CSMD1: variants seen among roughly 807,000 people sequenced by gnomAD.
CSMD1 encodes the protein CUB and Sushi multiple domains 1, also known as CUB and sushi domain-containing protein 1.
Under a neutral mutation model 417.5 loss-of-function variants are expected in CSMD1, and 213 were observed. The observed-to-expected ratio is 0.51, with a 90% confidence interval of 0.46 to 0.57. The LOEUF is 0.57. Ranked by LOEUF, CSMD1 falls within the 20% of genes least tolerant of loss-of-function variation. The pLI is 0.00. For missense variants in CSMD1, 6,923 were observed against 4,529.7 expected (o/e 1.53, Z -15.17); for synonymous variants, 2,862 against 1,736.8 (o/e 1.65, Z -16.11).
intron 6 of CSMD1, among the ~76,000 whole-genome samples, chr8:3,718,994 A>G (rs951340388): frequency 1.2e-4 from 18 of 152,154 alleles, no homozygotes; most frequent in African/African-American, 4.3e-4. Context: ...GAGGCAGAAC[A>G]AGGGGTGAGA....
chr8:4,052,650 G>A (rs181969620), intron 3 of CSMD1, among the ~76,000 whole-genome samples: 10 of 152,002 alleles, frequency 6.6e-5, no homozygotes, highest in Non-Finnish European at 1.5e-4. Flanking sequence ...CTTTGGAAAA[G>A]AATTCTGATA....
Position 3,847,875 on chromosome 8 carries a change from G to C in CSMD1, c.819-93833C>G, listed in dbSNP as rs546120660. Among the ~76,000 whole-genome samples, 5 of 152,274 alleles carry C rather than the reference G, an allele frequency of 3.3e-5. No individual in the cohort carries two copies. The East Asian group carries it at 5.8e-4, about 18-fold the overall frequency. Reference sequence around the variant, plus strand: ...TCCCATTATGCGCTCCCTATAGCTAGTCTGACTTTTCAACTCTATCCGTTT... The same window carrying C: ...TCCCATTATGCGCTCCCTATAGCTACTCTGACTTTTCAACTCTATCCGTTT... On this transcript the variant is annotated intron_variant, in intron 5 of 69. Transcript: ENST00000635120.
chr8:4,413,924 T>C (rs569912672), intron 3 of CSMD1, among the ~76,000 whole-genome samples: 3 of 152,194 alleles, frequency 2.0e-5, no homozygotes, highest in African/African-American at 7.2e-5. Context: ...AGGAAAGTAA[T>C]TATTGAAATT....
intron 7 of CSMD1, among the ~76,000 whole-genome samples, chr8:3,675,912 C>G (rs1585057790): frequency 6.6e-6 from 1 of 152,194 alleles, no homozygotes; most frequent in South Asian, 2.1e-4. Context: ...TCTCTCAGCA[C>G]TGTCCCATCA....
At position 3,317,254 on chromosome 8, in the gene CSMD1, TG is replaced by T. The variant is rs532774742; in HGVS notation, c.3632-8752del. 3.7e-4 allele frequency among the ~76,000 whole-genome samples: 56 copies of T among 152,328 alleles called. No individual in the cohort carries two copies. The East Asian group carries it at 0.01, about 28-fold the overall frequency. On this transcript the variant is annotated intron_variant, in intron 23 of 69. Coordinates refer to ENST00000635120, the MANE Select transcript of CSMD1 (RefSeq NM_033225.6). ...CATCTTTCATTGATAACACCTGTTA[TG>T]AAATAATTAAAAATAAACATGCTTT...
chr8:4,446,743 GTGTGTGTGTGTC>G (rs1366317697), intron 2 of CSMD1, among the ~76,000 whole-genome samples: 296 of 117,228 alleles, frequency 2.5e-3, no homozygotes, highest in Middle Eastern at 0.012. Context: ...CTGTGTGTGT[GTGTGTGTGTGTC>G]TGTGTGTGTG....
chr8:3,784,865 G>A (rs1055345436), intron 5 of CSMD1, among the ~76,000 whole-genome samples: 9 of 152,122 alleles, frequency 5.9e-5, no homozygotes, highest in Non-Finnish European at 1.0e-4. Flanking sequence ...TCACAATACT[G>A]ATGTTAACAT....
intron 38 of CSMD1, among the ~76,000 whole-genome samples, chr8:3,159,655 A>T (rs941946702): frequency 2.6e-5 from 4 of 152,228 alleles, no homozygotes; most frequent in African/African-American, 9.6e-5. Flanking sequence ...CATGTGAATG[A>T]CAAACAGCAG....
chr8:4,147,040 T>A (rs1318317642), intron 3 of CSMD1, among the ~76,000 whole-genome samples: 2 of 151,998 alleles, frequency 1.3e-5, no homozygotes, highest in East Asian at 3.9e-4. Context: ...GGGGGTTTTC[T>A]GGGCTTTTCC....
chr8:3,814,870 T>G (rs899409234), intron 5 of CSMD1, among the ~76,000 whole-genome samples: 4 of 152,176 alleles, frequency 2.6e-5, no homozygotes, highest in Non-Finnish European at 5.9e-5. Flanking sequence ...CACCCACTTG[T>G]GTTAATTATT....
intron 1 of CSMD1, among the ~76,000 whole-genome samples, chr8:4,669,339 T>C (rs746276924): frequency 3.3e-5 from 5 of 152,180 alleles, no homozygotes; most frequent in African/African-American, 7.2e-5. Context: ...TACACTCCAA[T>C]TGGTAATTCC....
chr8:4,981,210 A>G (rs2117432974), intron 1 of CSMD1, among the ~76,000 whole-genome samples: 1 of 152,332 alleles, frequency 6.6e-6, no homozygotes, highest in East Asian at 1.9e-4. Context: ...TCATGAAGGC[A>G]GTACAGTGTG....
intron 10 of CSMD1, among the ~76,000 whole-genome samples, chr8:3,521,966 A>T (rs1390560870): frequency 6.6e-6 from 1 of 152,256 alleles, no homozygotes. Context: ...AAATGCAATT[A>T]ACAAAACTTT....
intron 5 of CSMD1, among the ~76,000 whole-genome samples, chr8:3,895,976 T>G (rs1183548227): frequency 1.3e-5 from 2 of 152,116 alleles, no homozygotes; most frequent in African/African-American, 4.8e-5. Flanking sequence ...CCTGTTAACC[T>G]CCCCTATTAC....
At position 3,136,134 on chromosome 8, in the gene CSMD1, C is replaced by T. The variant is rs138173003; in HGVS notation, c.6241+6331G>A. Among the ~76,000 whole-genome samples the T allele has an allele frequency of 2.7e-3, 417 of 152,206 alleles. 1 individual carries two copies. The highest frequency in any genetic ancestry group is 9.3e-3 in the African/African-American group (386 of 41,534). On this transcript the variant is annotated intron_variant, in intron 41 of 69. Transcript: ENST00000635120. The stretch of plus-strand genomic sequence containing the variant: ...ATTACATCTAGCCACTAATTGATGG[C>T]TCATCTATGGAGTCCGGGTTAGTCC...
chr8:3,641,496 A>G (rs1797306866), intron 7 of CSMD1, among the ~76,000 whole-genome samples: 1 of 152,246 alleles, frequency 6.6e-6, no homozygotes, highest in Non-Finnish European at 1.5e-5. Context: ...CACTTAAAGT[A>G]TAACTCGGTC....
chr8:2,997,185 G>T (rs913893147), intron 54 of CSMD1, among the ~76,000 whole-genome samples: 2 of 152,238 alleles, frequency 1.3e-5, no homozygotes, highest in African/African-American at 2.4e-5. Context: ...GTATTTTAGG[G>T]GGAAACAGAG....
At chr8:3,683,381 C>T (rs1239883167) in intron 7 of CSMD1, among the ~76,000 whole-genome samples, 1 of 151,946 alleles carries the variant, frequency 6.6e-6, no homozygotes, top group Non-Finnish European at 1.5e-5. Context: ...TTATTCTGGG[C>T]ACTGCATCCT....
rs182443548 is a variant in CSMD1 at position 4,749,118 on chromosome 8, C to T, written c.86-111560G>A. 8.3e-4 allele frequency among the ~76,000 whole-genome samples: 127 copies of T among 152,350 alleles called. No individual in the cohort carries two copies. The Middle Eastern group carries it at 0.034, about 41-fold the overall frequency. ...CAGTCTCCACTCGCTTTGCTAATTT[C>T]ACTGCCACATCTAATATTGTCATGA... is the stretch of plus-strand genomic sequence containing the variant. On this transcript the variant is annotated intron_variant, in intron 1 of 69. Transcript: ENST00000635120.
Sources: gnomAD v4.1 joint callset for allele counts (sites outside exome capture counted in the v4.1 genomes callset) on GRCh38, gnomAD v4.1.1 for gene constraint, MANE v1.5 for transcripts, NCBI Gene and HGNC (gene_info 2026-07-23, HGNC 2026-07-21) for gene names.